The following RNF7 variants were observed in gnomAD, a reference collection of about 807,000 sequenced individuals.
RNF7 encodes ring finger protein 7.
RNF7 carries 9 observed loss-of-function variants against 17.0 expected under a neutral mutation model. The observed-to-expected ratio is 0.53, with a 90% CI of 0.32 to 0.92. The LOEUF (loss-of-function observed/expected upper bound fraction) is 0.92, where lower values mean the gene tolerates loss of function less well. Among genes scored for constraint, RNF7 ranks in the 40% least tolerant of loss-of-function variants. RNF7 has a pLI of 0.04. For synonymous variants in RNF7, 59 were observed against 50.5 expected (o/e 1.17, Z -0.72); for missense variants, 87 against 145.8 (o/e 0.60, Z 2.08).
At chr3:141,743,583 T>C in intron 2 of RNF7, 27 bp downstream of exon 2, 1 of 1,570,574 alleles carries the variant, frequency 6.4e-7, no homozygotes, top group Non-Finnish European at 8.7e-7. Context: ...TTCTCTTGCT[T>C]TTTCAACTGA....
rs762806405 is a variant in RNF7, at chr3:141,746,333, C to G, written c.*1056C>G. 1 of 152,100 alleles carries G rather than the reference C, an allele frequency of 6.6e-6. No homozygotes were observed. The highest frequency in any genetic ancestry group is 1.5e-5 in the Non-Finnish European group (1 of 68,022). The allele number at this position is 152,100 out of a possible 1,614,324, so 9.4% of individuals were successfully genotyped here. ...ACATGTTAATGAGGGAAAATGTTTACCAGTGTAGCATTGGATCAAAAAGTT... is the reference window on the plus strand; with the variant it reads ...ACATGTTAATGAGGGAAAATGTTTAGCAGTGTAGCATTGGATCAAAAAGTT... On this transcript the variant is annotated 3_prime_UTR_variant, in exon 3 of 3. Transcript: ENST00000273480.
Position 141,745,384 on chromosome 3 carries a change from G to C in RNF7, c.*107G>C. On this transcript the variant is annotated 3_prime_UTR_variant, in exon 3 of 3. Coordinates refer to ENST00000273480, the MANE Select transcript of RNF7 (RefSeq NM_014245.5). ...CTACAGGGGATGAATTCTTCAAATAGGAGCCGATGGATCTGTGGTCCTTTG... is the reference window on the plus strand; with the variant it reads ...CTACAGGGGATGAATTCTTCAAATACGAGCCGATGGATCTGTGGTCCTTTG... 1 of 640,506 alleles carries C rather than the reference G, an allele frequency of 1.6e-6. No homozygotes were observed. Among genetic ancestry groups the C allele is most frequent in the Non-Finnish European group, 2.7e-6 (1 of 367,418 alleles). 39.7% of individuals were successfully genotyped at this position (640,506 alleles called of 1,614,324 possible).
Position 141,738,298 on chromosome 3 carries a change from C to T in RNF7, c.-44C>T, listed in dbSNP as rs1388529073. The stretch of plus-strand genomic sequence containing the variant: ...CCACAGAGCCGCCCTAGCCTTCCGC[C>T]TTCCCCAAGCCAACGTCTCCGCCGT... On this transcript the variant is annotated 5_prime_UTR_variant, in exon 1 of 3. Transcript: ENST00000273480. 3 of 1,517,284 alleles carry T rather than the reference C, an allele frequency of 2.0e-6. No homozygotes were observed. The highest frequency in any genetic ancestry group is 2.5e-5 in the East Asian group (1 of 40,610). The allele number at this position is 1,517,284 out of a possible 1,614,324, so 94.0% of individuals were successfully genotyped here.
In RNF7 at chr3:141,746,563, C is replaced by CATT; in HGVS notation, c.*1287_*1288insTTA. 1 of 151,960 alleles carries CATT rather than the reference C, an allele frequency of 6.6e-6. No homozygotes were observed. Among genetic ancestry groups the CATT allele is most frequent in the East Asian group, 1.9e-4 (1 of 5,160 alleles). The allele number at this position is 151,960 out of a possible 1,614,324, so 9.4% of individuals were successfully genotyped here. A position where few individuals can be genotyped will look rare whatever the true frequency, so the allele number is the denominator to read the frequency against. ...GCAAGAAAATACTAAACAACTTTATCAAACTGATTCACACTGAGGGGAGGT... is the reference window on the plus strand; with the variant it reads ...GCAAGAAAATACTAAACAACTTTATCATTAAACTGATTCACACTGAGGGGAGGT... On this transcript the variant is annotated 3_prime_UTR_variant, in exon 3 of 3. Coordinates refer to ENST00000273480, the MANE Select transcript of RNF7 (RefSeq NM_014245.5).
chr3:141,738,845 G>T (rs1261400678), intron 1 of RNF7, among the ~76,000 whole-genome samples: 4 of 152,246 alleles, frequency 2.6e-5, no homozygotes, highest in Non-Finnish European at 4.4e-5. Flanking sequence ...GTAAAACCGG[G>T]TGATTGTTGG....
chr3:141,744,572 A>G (rs2084453409), intron 2 of RNF7, among the ~76,000 whole-genome samples: 1 of 152,176 alleles, frequency 6.6e-6, no homozygotes, highest in Admixed American at 6.5e-5. Context: ...TTGATCACAG[A>G]GAGACCTCTC....
chr3:141,738,397 G>C lies in RNF7; in HGVS notation c.56G>C (p.Ser19Thr). Residue 19 changes from serine to threonine, a missense_variant, in exon 1 of 3, where the codon AGC becomes ACC. By Grantham distance (58) the Ser-to-Thr change is moderately conservative (BLOSUM62 1). Around this residue, in one of 2 missense-constraint regions of RNF7, gnomAD observed 51 missense variants for 41.0 expected, o/e 1.24. Transcript: ENST00000273480. ...ETCALASHSG[S>T]SGSKSGGDKM... The stretch of plus-strand genomic sequence containing the variant: ...TGCGCCCTGGCCTCTCACTCCGGGA[G>C]CTCAGGCTCCAAGTCGGGAGGCGAC... 1 of 1,604,800 alleles carries C rather than the reference G, an allele frequency of 6.2e-7. No homozygotes were observed. Among genetic ancestry groups the C allele is most frequent in the Non-Finnish European group, 8.5e-7 (1 of 1,175,814 alleles).
rs758041616 is a variant in RNF7, at chr3:141,745,225, A to G, written c.290A>G (p.Asn97Ser). The G allele has an allele frequency of 2.5e-6, 4 of 1,613,374 alleles. No individual in the cohort carries two copies. Among genetic ancestry groups the G allele is most frequent in the Admixed American group, 1.7e-5 (1 of 60,018 alleles). The stretch of plus-strand genomic sequence containing the variant: ...ATGTCCCTGTGGGTGAAACAGAACA[A>G]TCGCTGCCCTCTCTGCCAGCAGGAC... ...CCMSLWVKQN[N>S]RCPLCQQDWV... is the part of the protein sequence containing the mutation. Residue 97 changes from asparagine (N) to serine (S), a missense_variant, in exon 3 of 3, where the codon AAT becomes AGT. Asn to Ser is a conservative substitution (Grantham distance 46, BLOSUM62 1). This residue lies in a region of RNF7 where 36 missense variants were observed against 104.7 expected (regional missense o/e 0.34). Transcript: ENST00000273480.
At chr3:141,742,333 TCTC>T (rs2084428027) in intron 1 of RNF7, among the ~76,000 whole-genome samples, 1 of 151,582 alleles carries the variant, frequency 6.6e-6, no homozygotes, top group South Asian at 2.1e-4. Context: ...TTCACGCCAT[TCTC>T]CTGCCTCAGC....
intron 1 of RNF7, among the ~76,000 whole-genome samples, chr3:141,742,349 C>T (rs924411377): frequency 6.6e-6 from 1 of 151,724 alleles, no homozygotes; most frequent in Non-Finnish European, 1.5e-5. Context: ...GCCTCAGCCT[C>T]CCGAGTAGCT....
chr3:141,744,234 A>G (rs541053210), intron 2 of RNF7, among the ~76,000 whole-genome samples: 1 of 152,196 alleles, frequency 6.6e-6, no homozygotes, highest in Admixed American at 6.5e-5. Flanking sequence ...CTTAATATTG[A>G]TTCTTGCAGT....
chr3:141,741,792 C>A (rs116335480), intron 1 of RNF7, among the ~76,000 whole-genome samples: 1 of 152,052 alleles, frequency 6.6e-6, no homozygotes, highest in Non-Finnish European at 1.5e-5. Context: ...GCTCACTGGG[C>A]ATGCTCATGG....
chr3:141,739,022 A>G (rs886218339), intron 1 of RNF7, among the ~76,000 whole-genome samples: 2 of 152,224 alleles, frequency 1.3e-5, no homozygotes, highest in South Asian at 4.1e-4. Flanking sequence ...CGACACCCTT[A>G]GTTCTCCTCG....
rs997577033 is a variant in RNF7 at position 141,745,905 on chromosome 3, T to G, written c.*628T>G. On this transcript the variant is annotated 3_prime_UTR_variant, in exon 3 of 3. Transcript: ENST00000273480. ...TCATCAAGAAAACCTAGATCTGCAC[T>G]CACCTCACTGTTCAATCATTGAGTG... The G allele has an allele frequency of 6.6e-6, 1 of 152,120 alleles. No individual in the cohort carries two copies. The highest frequency in any genetic ancestry group is 1.5e-5 in the Non-Finnish European group (1 of 68,006). The allele number at this position is 152,120 out of a possible 1,614,324, so 9.4% of individuals were successfully genotyped here.
At chr3:141,741,893 C>T (rs2084421264) in intron 1 of RNF7, among the ~76,000 whole-genome samples, 1 of 152,004 alleles carries the variant, frequency 6.6e-6, no homozygotes. Flanking sequence ...TAGAAGGATA[C>T]CCAAGAAACC....
chr3:141,739,586 A>G (rs1380548718), intron 1 of RNF7, among the ~76,000 whole-genome samples: 2 of 152,210 alleles, frequency 1.3e-5, no homozygotes, highest in Non-Finnish European at 2.9e-5. Flanking sequence ...ACTTGTCTTG[A>G]AAAATGAGAG....
chr3:141,738,721 C>T (rs1046718171), intron 1 of RNF7, among the ~76,000 whole-genome samples: 32 of 152,174 alleles, frequency 2.1e-4, no homozygotes, highest in Non-Finnish European at 2.2e-4. Context: ...CCTGGGGCTG[C>T]GGGGTTGTGC....
At chr3:141,738,587 G>T (rs1335862284) in intron 1 of RNF7, 71 bp downstream of exon 1, 12 of 1,468,028 alleles carry the variant, frequency 8.2e-6, no homozygotes, top group Admixed American at 2.3e-5. Context: ...GGGAAGGGAC[G>T]GGCGTCCGTC....
At chr3:141,744,057 AAAT>A (rs1348191946) in intron 2 of RNF7, among the ~76,000 whole-genome samples, 67 of 152,308 alleles carry the variant, frequency 4.4e-4, no homozygotes, top group African/African-American at 1.5e-3. Flanking sequence ...GTCGTAGGCT[AAAT>A]ATTTTAGGCA....
Sources: allele counts gnomAD v4.1 joint callset (sites outside exome capture counted in the v4.1 genomes callset), GRCh38; gene constraint gnomAD v4.1.1; regional missense constraint gnomAD v4.1.1; transcripts MANE v1.5; gene names NCBI Gene and HGNC (gene_info 2026-07-23, HGNC 2026-07-21).